The following TENT4B variants were observed in gnomAD, a reference collection of about 807,000 sequenced individuals.
TENT4B encodes the protein PAP associated domain containing 5.
Under a neutral mutation model 75.0 loss-of-function variants are expected in TENT4B, and 10 were observed. The ratio of observed to expected loss-of-function variants is 0.13; its 90% CI spans 0.08 to 0.23. The LOEUF (loss-of-function observed/expected upper bound fraction) is 0.23. Ranked by LOEUF, TENT4B falls within the 10% of genes least tolerant of loss-of-function variation. The probability of loss-of-function intolerance (pLI) is 1.00; values close to 1 mark genes in which losing one functional copy is unlikely to be tolerated. For missense variants in TENT4B, 579 were observed against 893.8 expected, an observed-to-expected ratio of 0.65 and a Z score of 4.49; for synonymous variants, 350 against 357.7, an observed-to-expected ratio of 0.98 and a Z score of 0.24.
At chr16:50,214,567 A>G (rs1186094147) in intron 3 of TENT4B, among the ~76,000 whole-genome samples, 1 of 152,134 alleles carries the variant, frequency 6.6e-6, no homozygotes, top group Non-Finnish European at 1.5e-5. Context: ...GAGGCAGGAG[A>G]ATTGCTTGAA....
At chr16:50,158,413 C>T (rs1282593141) in intron 1 of TENT4B, among the ~76,000 whole-genome samples, 1 of 152,138 alleles carries the variant, frequency 6.6e-6, no homozygotes, top group Non-Finnish European at 1.5e-5. Context: ...AAGTTGCTTC[C>T]ACTGATTCTC....
chr16:50,194,811 C>G (rs998453211), intron 1 of TENT4B, among the ~76,000 whole-genome samples: 1 of 145,524 alleles, frequency 6.9e-6, no homozygotes, highest in African/African-American at 2.6e-5. Context: ...TGCAGTGGCG[C>G]GATCTCGGCT....
chr16:50,175,576 C>T (rs1045055254), intron 1 of TENT4B, among the ~76,000 whole-genome samples: 3 of 151,926 alleles, frequency 2.0e-5, no homozygotes, highest in Non-Finnish European at 4.4e-5. Flanking sequence ...CCTCTGACTC[C>T]CTGGTTCAAG....
At chr16:50,205,999 T>G (rs1412524911) in intron 1 of TENT4B, among the ~76,000 whole-genome samples, 6 of 152,208 alleles carry the variant, frequency 3.9e-5, no homozygotes, top group Non-Finnish European at 8.8e-5. Context: ...TAGCTTTATT[T>G]TTTTAAGAGG....
At chr16:50,197,997 C>G (rs1229584488) in intron 1 of TENT4B, among the ~76,000 whole-genome samples, 1 of 151,992 alleles carries the variant, frequency 6.6e-6, no homozygotes, top group Non-Finnish European at 1.5e-5. Context: ...CCTGCCCTCA[C>G]CATGTTATTT....
intron 1 of TENT4B, among the ~76,000 whole-genome samples, chr16:50,180,015 TAA>T (rs933937430): frequency 5.3e-5 from 8 of 150,058 alleles, no homozygotes; most frequent in African/African-American, 1.9e-4. Flanking sequence ...CTGAGGAAGT[TAA>T]AAAAAAAATT....
intron 1 of TENT4B, among the ~76,000 whole-genome samples, chr16:50,181,230 C>T (rs1272436701): frequency 1.3e-5 from 2 of 151,976 alleles, no homozygotes; most frequent in Non-Finnish European, 2.9e-5. Context: ...TGGAGAGTCA[C>T]AAAGGAGGTG....
chr16:50,196,803 G>A (rs997437149), intron 1 of TENT4B, among the ~76,000 whole-genome samples: 1 of 151,932 alleles, frequency 6.6e-6, no homozygotes, highest in African/African-American at 2.4e-5. Context: ...TGGGTGTGAT[G>A]GCATGCAGCT....
At chr16:50,210,997 C>T (rs2031249168) in intron 1 of TENT4B, among the ~76,000 whole-genome samples, 1 of 152,226 alleles carries the variant, frequency 6.6e-6, no homozygotes, top group South Asian at 2.1e-4. Context: ...TGCCAGGAAA[C>T]TTGCCTGTGT....
chr16:50,175,072 A>G (rs555682510), intron 1 of TENT4B, among the ~76,000 whole-genome samples: 19 of 152,206 alleles, frequency 1.2e-4, no homozygotes, highest in African/African-American at 9.6e-5. Context: ...TCTGGTATCT[A>G]TCATTCTACT....
At chr16:50,214,348 C>G (rs764201538) in intron 3 of TENT4B, 81 bp downstream of exon 3, 27 of 1,155,590 alleles carry the variant, frequency 2.3e-5, no homozygotes, top group Non-Finnish European at 3.1e-5. Flanking sequence ...GGAGTAGAAA[C>G]AAAACAAATT....
chr16:50,233,678 G>A lies in TENT4B; in HGVS notation c.*4350G>A. The A allele has an allele frequency of 1.1e-6, 1 of 941,608 alleles. No individual in the cohort carries two copies. Among genetic ancestry groups the A allele is most frequent in the East Asian group, 1.5e-4 (1 of 6,830 alleles). 58.3% of individuals were successfully genotyped at this position (941,608 alleles called of 1,614,324 possible). A position where few individuals can be genotyped will look rare whatever the true frequency, so the allele number is the denominator to read the frequency against. ...TAATGTTTATTTTACTGTCTCTCAGGTTTTTGGTTTTTTTAAAAAAAATGT... is the reference window on the plus strand; with the variant it reads ...TAATGTTTATTTTACTGTCTCTCAGATTTTTGGTTTTTTTAAAAAAAATGT... On this transcript the variant is annotated 3_prime_UTR_variant, in exon 12 of 12. Transcript: ENST00000561678.
Position 50,153,595 on chromosome 16 carries a change from G to A in TENT4B, c.-27G>A, listed in dbSNP as rs2037821125. The A allele has an allele frequency of 2.2e-5, 22 of 977,984 alleles. No individual in the cohort carries two copies. The highest frequency in any genetic ancestry group is 1.2e-4 in the East Asian group (1 of 8,590). 60.6% of individuals were successfully genotyped at this position (977,984 alleles called of 1,614,324 possible). The stretch of plus-strand genomic sequence containing the variant: ...GGCGGCCCTGCGGGCGGCCGGGAGG[G>A]GCGGGGGCAGCGGCCGCCGCCGTTT... On this transcript the variant is annotated 5_prime_UTR_variant, in exon 1 of 12. Coordinates refer to ENST00000561678, the MANE Select transcript of TENT4B (RefSeq NM_001365324.3).
chr16:50,168,677 G>T (rs541720317), intron 1 of TENT4B, among the ~76,000 whole-genome samples: 1 of 149,226 alleles, frequency 6.7e-6, no homozygotes, highest in Non-Finnish European at 1.5e-5. Context: ...ACAGAGTCTC[G>T]CTCTGTCACC....
chr16:50,157,786 G>T (rs1467543203), intron 1 of TENT4B, among the ~76,000 whole-genome samples: 4 of 150,130 alleles, frequency 2.7e-5, no homozygotes, highest in African/African-American at 7.4e-5. Flanking sequence ...TTTTTTTTGA[G>T]ACAGGGTCTT....
Position 50,210,942 on chromosome 16 carries a change from A to G in TENT4B, c.639-381A>G, listed in dbSNP as rs147263747. 8.1e-4 allele frequency among the ~76,000 whole-genome samples: 123 copies of G among 152,340 alleles called. 1 individual carries two copies. The highest frequency in any genetic ancestry group is 2.7e-3 in the African/African-American group (114 of 41,582). On this transcript the variant is annotated intron_variant, in intron 1 of 11. Coordinates refer to ENST00000561678, the MANE Select transcript of TENT4B (RefSeq NM_001365324.3). ...CATTATGAAAGATGTACTGTTTGCT[A>G]CTGTGAGGAATGGATCCCCAAGAGA... is the stretch of plus-strand genomic sequence containing the variant.
intron 11 of TENT4B, among the ~76,000 whole-genome samples, chr16:50,228,692 T>A (rs1046858305): frequency 2.0e-5 from 3 of 152,206 alleles, no homozygotes; most frequent in Non-Finnish European, 4.4e-5. Context: ...GACACAGACT[T>A]ATCACAAAAT....
chr16:50,190,060 A>G lies in TENT4B; in HGVS notation c.639-21263A>G, dbSNP rs2038608764. On this transcript the variant is annotated intron_variant, in intron 1 of 11. Transcript: ENST00000561678. ...CACTGCACTCCAGCCTAGGCAACAG[A>G]GTGAGACTCTGTTTCAAAAAAAAAA... Among the ~76,000 whole-genome samples the G allele has an allele frequency of 2.8e-5, 4 of 141,138 alleles. No individual in the cohort carries two copies. In the South Asian group the frequency reaches 9.3e-4, roughly 33 times the overall value. The allele number at this position is 141,138 out of a possible 152,430, so 92.6% of individuals were successfully genotyped here.
chr16:50,217,461 A>T, intron 4 of TENT4B, 95 bp from the exon 5 acceptor site: 1 of 640,176 alleles, frequency 1.6e-6, no homozygotes, highest in Non-Finnish European at 2.7e-6. Flanking sequence ...CTCTCATGAG[A>T]TGATGGAGAC....
Sources: allele counts gnomAD v4.1 joint callset (sites outside exome capture counted in the v4.1 genomes callset), GRCh38; gene constraint gnomAD v4.1.1; transcripts MANE v1.5; gene names NCBI Gene and HGNC (gene_info 2026-07-23, HGNC 2026-07-21).